Variants in CTNNA2 observed in about 807,000 individuals in gnomAD.
The protein encoded by CTNNA2 is catenin alpha 2.
A neutral mutation model predicts 101.0 loss-of-function variants in CTNNA2; 42 were observed. The ratio of observed to expected loss-of-function variants is 0.42; its 90% CI spans 0.32 to 0.54. The LOEUF is 0.54. Among genes scored for constraint, CTNNA2 ranks in the 20% least tolerant of loss-of-function variants. The pLI is 0.14. For synonymous variants in CTNNA2, 450 were observed against 456.4 expected, an observed-to-expected ratio of 0.99 and a Z score of 0.18; for missense variants, 871 against 1,223.1, an observed-to-expected ratio of 0.71 and a Z score of 4.29.
intron 4 of CTNNA2, among the ~76,000 whole-genome samples, chr2:79,482,643 A>C (rs1017453252): frequency 3.9e-5 from 6 of 152,172 alleles, no homozygotes; most frequent in Non-Finnish European, 2.9e-5. Context: ...TCAAAGAGGT[A>C]AAAAGCCTAT....
intron 1 of CTNNA2, among the ~76,000 whole-genome samples, chr2:79,631,374 A>G (rs1383100062): frequency 1.3e-5 from 2 of 151,372 alleles, no homozygotes; most frequent in Admixed American, 1.3e-4. Context: ...AGGATCATTC[A>G]TACTTGGGGC....
chr2:79,381,895 T>G (rs1678044027), intron 4 of CTNNA2, among the ~76,000 whole-genome samples: 1 of 152,256 alleles, frequency 6.6e-6, no homozygotes, highest in South Asian at 2.1e-4. Context: ...GCAAGCATGT[T>G]TGCCTTCAGA....
chr2:80,457,133 G>A (rs1053942697), intron 9 of CTNNA2, among the ~76,000 whole-genome samples: 6 of 151,474 alleles, frequency 4.0e-5, no homozygotes, highest in Admixed American at 6.6e-5. Context: ...CGGTGATCTC[G>A]ACTCACTGCA....
intron 6 of CTNNA2, among the ~76,000 whole-genome samples, chr2:79,907,361 A>T (rs1685496692): frequency 6.6e-6 from 1 of 152,128 alleles, no homozygotes; most frequent in Admixed American, 6.6e-5. Flanking sequence ...ATACATATAT[A>T]CATATGTTCA....
intron 14 of CTNNA2, among the ~76,000 whole-genome samples, chr2:80,583,396 A>G (rs1695705807): frequency 6.6e-6 from 1 of 152,148 alleles, no homozygotes; most frequent in Non-Finnish European, 1.5e-5. Context: ...AATGTTGAAA[A>G]TTGGAAAGGT....
intron 7 of CTNNA2, chr2:80,298,507 C>T (rs952084549): frequency 2.0e-5 from 3 of 152,202 alleles, no homozygotes; most frequent in East Asian, 1.9e-4. Context: ...AACTTGCTGA[C>T]AAGTCGACTA....
chr2:80,188,349 A>G (rs1376896655), intron 7 of CTNNA2, among the ~76,000 whole-genome samples: 1 of 152,180 alleles, frequency 6.6e-6, no homozygotes, highest in Non-Finnish European at 1.5e-5. Context: ...TCCTCTGCCC[A>G]TTTTGTGACA....
chr2:80,147,316 G>A (rs1703409989), intron 7 of CTNNA2, among the ~76,000 whole-genome samples: 1 of 152,070 alleles, frequency 6.6e-6, no homozygotes, highest in Admixed American at 6.6e-5. Flanking sequence ...TAGCCAGGCT[G>A]GTTTTGAACT....
intron 18 of CTNNA2, among the ~76,000 whole-genome samples, chr2:80,624,543 A>G (rs986636520): frequency 6.6e-6 from 1 of 151,980 alleles, no homozygotes; most frequent in Non-Finnish European, 1.5e-5. Flanking sequence ...GCCCTGGTTG[A>G]GAAGAAAGTG....
chr2:79,931,912 C>T (rs1166099941), intron 7 of CTNNA2, among the ~76,000 whole-genome samples: 1 of 152,182 alleles, frequency 6.6e-6, no homozygotes, highest in Non-Finnish European at 1.5e-5. Flanking sequence ...CTCTCCTTAC[C>T]CAGTCTTACT....
chr2:80,571,804 G>A (rs1694627688), intron 12 of CTNNA2, among the ~76,000 whole-genome samples: 1 of 152,102 alleles, frequency 6.6e-6, no homozygotes, highest in African/African-American at 2.4e-5. Flanking sequence ...TGAGTTGGAG[G>A]ATTCAGAATA....
At chr2:79,253,952 A>G (rs1232780961) in intron 2 of CTNNA2, among the ~76,000 whole-genome samples, 1 of 152,164 alleles carries the variant, frequency 6.6e-6, no homozygotes, top group Non-Finnish European at 1.5e-5. Context: ...AATGACTGGG[A>G]CCAAGATACA....
chr2:79,340,126 C>A (rs959785979), intron 3 of CTNNA2: 1 of 152,004 alleles, frequency 6.6e-6, no homozygotes, highest in Non-Finnish European at 1.5e-5. Flanking sequence ...ACTGAGAGGT[C>A]CATATTGTTA....
At chr2:80,299,828 T>A (rs1303243600) in intron 7 of CTNNA2, 1 of 152,178 alleles carries the variant, frequency 6.6e-6, no homozygotes, top group African/African-American at 2.4e-5. Flanking sequence ...TTCTGAAAGC[T>A]TTCCCTGTAA....
chr2:80,402,237 C>G (rs904924926), intron 8 of CTNNA2, among the ~76,000 whole-genome samples: 2 of 152,194 alleles, frequency 1.3e-5, no homozygotes, highest in Admixed American at 1.3e-4. Context: ...CTTCCATGCC[C>G]TCTGTGGGTG....
intron 7 of CTNNA2, among the ~76,000 whole-genome samples, chr2:80,268,932 A>G (rs936797671): frequency 5.9e-5 from 9 of 152,224 alleles, no homozygotes; most frequent in Non-Finnish European, 1.0e-4. Flanking sequence ...TCTGAAAATG[A>G]TAACTTTTCA....
intron 6 of CTNNA2, among the ~76,000 whole-genome samples, chr2:79,893,991 T>TTCC (rs1450149092): frequency 4.7e-4 from 23 of 48,720 alleles, no homozygotes; most frequent in South Asian, 4.3e-3. Flanking sequence ...TTAGGCTGTT[T>TTCC]TCTTCTTCTT....
intron 3 of CTNNA2, among the ~76,000 whole-genome samples, chr2:79,748,813 A>C (rs1029459784): frequency 3.9e-5 from 6 of 152,082 alleles, no homozygotes; most frequent in African/African-American, 1.4e-4. Context: ...TGGTGACTAT[A>C]TTTTTACTCT....
At chr2:79,406,421 A>C (rs1369434884) in intron 4 of CTNNA2, among the ~76,000 whole-genome samples, 1 of 152,076 alleles carries the variant, frequency 6.6e-6, no homozygotes, top group Non-Finnish European at 1.5e-5. Context: ...TTCAGGCCCC[A>C]CAATGGGCAT....
Sources: gnomAD v4.1 joint callset for allele counts (sites outside exome capture counted in the v4.1 genomes callset) on GRCh38, gnomAD v4.1.1 for gene constraint, MANE v1.5 for transcripts, NCBI Gene and HGNC (gene_info 2026-07-23, HGNC 2026-07-21) for gene names.